The following NRXN1 variants were observed in gnomAD, a reference collection of about 807,000 sequenced individuals.
NRXN1 encodes neurexin-1.
A neutral mutation model predicts 150.9 loss-of-function variants in NRXN1; 39 were observed. The ratio of observed to expected loss-of-function variants is 0.26; its 90% CI spans 0.20 to 0.34. The LOEUF (loss-of-function observed/expected upper bound fraction) is 0.34, where lower values mean the gene tolerates loss of function less well. Ranked by LOEUF, NRXN1 falls within the 10% of genes least tolerant of loss-of-function variation. The pLI, the probability that NRXN1 is intolerant of heterozygous loss-of-function variation, is 1.00. For missense variants in NRXN1, 1,815 were observed against 1,949.9 expected (o/e 0.93, Z 1.30); for synonymous variants, 924 against 757.0 (o/e 1.22, Z -3.62).
chr2:50,651,379 G>A (rs980462402), intron 5 of NRXN1, among the ~76,000 whole-genome samples: 2 of 151,946 alleles, frequency 1.3e-5, no homozygotes, highest in African/African-American at 4.8e-5. Flanking sequence ...TTGGGAGGCC[G>A]AGGCAAGAGG....
chr2:50,079,595 T>C (rs866892560), intron 19 of NRXN1, among the ~76,000 whole-genome samples: 1 of 152,120 alleles, frequency 6.6e-6, no homozygotes, highest in Non-Finnish European at 1.5e-5. Flanking sequence ...CTCTTGAATG[T>C]ATATTTTTCC....
chr2:50,777,244 A>G (rs1171554695), intron 5 of NRXN1, among the ~76,000 whole-genome samples: 8 of 152,122 alleles, frequency 5.3e-5, no homozygotes, highest in African/African-American at 1.7e-4. Context: ...CCTTTTTGTA[A>G]TATTACCTTT....
intron 21 of NRXN1, among the ~76,000 whole-genome samples, chr2:50,011,191 G>A (rs1055550435): frequency 1.3e-5 from 2 of 152,108 alleles, no homozygotes; most frequent in African/African-American, 4.8e-5. Flanking sequence ...TGGAACTTAG[G>A]TAGCTATTGT....
Position 49,974,102 on chromosome 2 carries a change from G to T in NRXN1, c.4129-30311C>A, listed in dbSNP as rs758854808. 3 of 716,720 alleles carry T rather than the reference G, an allele frequency of 4.2e-6. No individual in the cohort carries two copies. In the South Asian group the frequency reaches 4.4e-5, roughly 11 times the overall value. 44.4% of individuals were successfully genotyped at this position (716,720 alleles called of 1,614,324 possible). A position where few individuals can be genotyped will look rare whatever the true frequency, so the allele number is the denominator to read the frequency against. Reference sequence around the variant, plus strand: ...TCTGAAATCAATACTGGTGACAGGAGAGCTCCCTGACTCAGTGGGAGATCA... The same window carrying T: ...TCTGAAATCAATACTGGTGACAGGATAGCTCCCTGACTCAGTGGGAGATCA... On this transcript the variant is annotated intron_variant, in intron 21 of 22. Coordinates refer to ENST00000401669, the MANE Select transcript of NRXN1 (RefSeq NM_001330078.2).
intron 17 of NRXN1, among the ~76,000 whole-genome samples, chr2:50,396,680 G>A (rs569105627): frequency 1.3e-5 from 2 of 152,184 alleles, no homozygotes; most frequent in East Asian, 3.9e-4. Context: ...GACTGTTTAA[G>A]TATAACCATA....
intron 8 of NRXN1, among the ~76,000 whole-genome samples, chr2:50,609,762 T>C (rs989384715): frequency 2.6e-5 from 4 of 152,158 alleles, no homozygotes. Context: ...CGTCCATATT[T>C]CAAGGGCAAT....
intron 17 of NRXN1, among the ~76,000 whole-genome samples, chr2:50,307,661 G>A (rs2074755101): frequency 6.6e-6 from 1 of 152,058 alleles, no homozygotes; most frequent in Non-Finnish European, 1.5e-5. Flanking sequence ...CTGAAGCCTT[G>A]TCTATGTAAA....
chr2:50,240,509 A>C (rs934573195), intron 17 of NRXN1, among the ~76,000 whole-genome samples: 1 of 151,692 alleles, frequency 6.6e-6, no homozygotes, highest in African/African-American at 2.4e-5. Context: ...CTAGAAAATT[A>C]CTCTCATAAT....
chr2:50,102,274 C>G (rs766243213), intron 18 of NRXN1, among the ~76,000 whole-genome samples: 2 of 151,948 alleles, frequency 1.3e-5, no homozygotes, highest in Non-Finnish European at 2.9e-5. Context: ...TTATCAAGTG[C>G]CTTTTAGCTG....
chr2:50,204,233 T>C (rs1295596186), intron 18 of NRXN1, among the ~76,000 whole-genome samples: 2 of 152,022 alleles, frequency 1.3e-5, no homozygotes, highest in African/African-American at 2.4e-5. Flanking sequence ...TTGAAAGAAA[T>C]AAATGGGTTG....
chr2:49,994,346 T>G (rs1274126376), intron 21 of NRXN1, among the ~76,000 whole-genome samples: 1 of 152,218 alleles, frequency 6.6e-6, no homozygotes, highest in East Asian at 1.9e-4. Flanking sequence ...ATTGGTATGT[T>G]TGAAGCAATA....
intron 5 of NRXN1, among the ~76,000 whole-genome samples, chr2:50,646,014 T>C (rs923690486): frequency 2.6e-5 from 4 of 151,840 alleles, no homozygotes; most frequent in Non-Finnish European, 5.9e-5. Flanking sequence ...TAGAAAGGGA[T>C]GGTTTGGTTT....
chr2:50,309,588 G>T (rs767961055), intron 17 of NRXN1, among the ~76,000 whole-genome samples: 5 of 152,086 alleles, frequency 3.3e-5, no homozygotes, highest in African/African-American at 4.8e-5. Flanking sequence ...GTTTTCTATG[G>T]CAGTCCCCAT....
intron 8 of NRXN1, among the ~76,000 whole-genome samples, chr2:50,590,428 A>G (rs1316260539): frequency 1.3e-5 from 2 of 152,160 alleles, no homozygotes; most frequent in Non-Finnish European, 2.9e-5. Flanking sequence ...TTCTGTTAGT[A>G]TGCACAGCTT....
At chr2:50,865,799 T>C (rs964330230) in intron 5 of NRXN1, among the ~76,000 whole-genome samples, 9 of 149,526 alleles carry the variant, frequency 6.0e-5, no homozygotes, top group African/African-American at 2.0e-4. Context: ...TTACTGGGAA[T>C]GGGAATTACT....
chr2:50,258,865 G>A lies in NRXN1; in HGVS notation c.3365-21895C>T, dbSNP rs139288797. Among the ~76,000 whole-genome samples, 5 of 152,104 alleles carry A rather than the reference G, an allele frequency of 3.3e-5. No homozygotes were observed. In the East Asian group the frequency reaches 7.7e-4, roughly 24 times the overall value. On this transcript the variant is annotated intron_variant, in intron 17 of 22. Coordinates refer to ENST00000401669, the MANE Select transcript of NRXN1 (RefSeq NM_001330078.2). Reference sequence around the variant, plus strand: ...ATATCTCCATCATTGGGTGACAGGTGCATTGTCAATGAGCAGTAATAATTT... The same window carrying A: ...ATATCTCCATCATTGGGTGACAGGTACATTGTCAATGAGCAGTAATAATTT...
At chr2:50,940,213 C>T (rs1429309769) in intron 2 of NRXN1, among the ~76,000 whole-genome samples, 2 of 152,050 alleles carry the variant, frequency 1.3e-5, no homozygotes, top group African/African-American at 4.8e-5. Context: ...CGTAGTGGCT[C>T]ACATCTGTAA....
intron 17 of NRXN1, among the ~76,000 whole-genome samples, chr2:50,451,813 T>C (rs2086993416): frequency 6.6e-6 from 1 of 152,190 alleles, no homozygotes; most frequent in Admixed American, 6.6e-5. Flanking sequence ...ATGTCACAAT[T>C]TTTATTATGC....
chr2:50,569,827 T>C (rs756628592), intron 8 of NRXN1, among the ~76,000 whole-genome samples: 1 of 152,166 alleles, frequency 6.6e-6, no homozygotes, highest in Non-Finnish European at 1.5e-5. Flanking sequence ...GCCAATGTCA[T>C]CAAAATGGAA....
Sources: gnomAD v4.1 joint callset for allele counts (sites outside exome capture counted in the v4.1 genomes callset) on GRCh38, gnomAD v4.1.1 for gene constraint, MANE v1.5 for transcripts, NCBI Gene and HGNC (gene_info 2026-07-23, HGNC 2026-07-21) for gene names.